SH3BP2: variants seen among roughly 807,000 people sequenced by gnomAD.
SH3BP2 encodes the protein SH3 domain-binding protein 2.
A neutral mutation model predicts 56.2 loss-of-function variants in SH3BP2; 38 were observed. The ratio of observed to expected loss-of-function variants is 0.68; its 90% CI spans 0.52 to 0.89. The LOEUF (loss-of-function observed/expected upper bound fraction) is 0.89. SH3BP2 is among the 40% of genes least tolerant of loss of function. The pLI is 0.00. For missense variants in SH3BP2, 748 were observed against 762.6 expected (o/e 0.98, Z 0.23); for synonymous variants, 346 against 316.7 (o/e 1.09, Z -0.98).
chr4:2,824,664 G>A lies in SH3BP2; in HGVS notation c.291G>A (p.Lys97=), dbSNP rs770885200. 6.2e-7 allele frequency: 1 copy of A among 1,614,060 alleles called. No homozygotes were observed. The highest frequency in any genetic ancestry group is 8.5e-7 in the Non-Finnish European group (1 of 1,180,006). ...CGTCCAACAACGTTTTCCCCTTCAA[G>A]ATCATCCATATCAGCAAGAAGCACC... is the stretch of plus-strand genomic sequence containing the variant. ...ETTSNNVFPF[K]IIHISKKHRT... Residue 97 remains lysine, a synonymous_variant, in exon 4 of 13, where the codon AAG becomes AAA. Transcript: ENST00000503393.
At chr4:2,809,845 C>T in intron 1 of SH3BP2, 1 of 984,690 alleles carries the variant, frequency 1.0e-6, no homozygotes, top group Non-Finnish European at 1.2e-6. Flanking sequence ...TGCCCTGTGT[C>T]TGGCATGGTG....
intron 3 of SH3BP2, 125 bp from the exon 4 acceptor site, chr4:2,824,488 A>G: frequency 1.5e-6 from 1 of 664,556 alleles, no homozygotes; most frequent in South Asian, 1.5e-5. Context: ...GCCAGGGCCC[A>G]CCCGATCTGC....
rs1416584140 is a variant in SH3BP2, at chr4:2,829,931, G to A, written c.1025G>A (p.Arg342Gln). 16 of 1,613,232 alleles carry A rather than the reference G, an allele frequency of 9.9e-6. No individual in the cohort carries two copies. The highest frequency in any genetic ancestry group is 2.2e-5 in the East Asian group (1 of 44,884). Reference protein sequence around the residue: ...DKLKSFHLSPRGPPTSEPPPV... With the variant: ...DKLKSFHLSPQGPPTSEPPPV... ...CTCAAGTCCTTCCACCTGTCCCCCC[G>A]AGGACCACCCACATCTGAGCCCCCA... Residue 342 changes from arginine to glutamine, a missense_variant, in exon 8 of 13, where the codon CGA (arginine) becomes CAA (glutamine). By Grantham distance (43) the Arg-to-Gln change is conservative. This residue lies in a region of SH3BP2 where 635 missense variants were observed against 615.0 expected (regional missense o/e 1.03). Coordinates refer to ENST00000503393, the MANE Select transcript of SH3BP2 (RefSeq NM_001122681.2). This position sits in a 1 kb window ranked among gnomAD's most constrained non-coding sequence, Gnocchi z 4.9.
chr4:2,810,707 C>A lies in SH3BP2; in HGVS notation c.-4-9907C>A, dbSNP rs1388265369. ...CAGCAAACTTCCTCCTCTATCAAAG[C>A]TGGGCCCCTCCTCTGGGAGGCGTTC... On this transcript the variant is annotated intron_variant, in intron 1 of 12. Transcript: ENST00000503393. The surrounding 1 kb of genome is among the most constrained non-coding windows in gnomAD (Gnocchi z 4.2). 6.6e-6 allele frequency among the ~76,000 whole-genome samples: 1 copy of A among 152,122 alleles called. No individual in the cohort carries two copies. Among genetic ancestry groups the A allele is most frequent in the Non-Finnish European group, 1.5e-5 (1 of 68,010 alleles).
intron 1 of SH3BP2, among the ~76,000 whole-genome samples, chr4:2,820,056 G>T (rs1223090379): frequency 6.6e-6 from 1 of 152,208 alleles, no homozygotes; most frequent in African/African-American, 2.4e-5. Context: ...ACAACAGTGT[G>T]CTGTGTGCTG....
At chr4:2,811,118 C>T (rs438524) in intron 1 of SH3BP2, among the ~76,000 whole-genome samples, 76,559 of 152,118 alleles carry the variant, frequency 0.5, 19,418 homozygotes, top group Admixed American at 0.57. Flanking sequence ...AAACGGGCCC[C>T]GAGGGGGACC....
intron 8 of SH3BP2, among the ~76,000 whole-genome samples, 157 bp downstream of exon 8, chr4:2,830,304 G>A (rs140914125): frequency 2.0e-3 from 301 of 152,354 alleles, no homozygotes; most frequent in African/African-American, 6.7e-3. Context: ...CCTCCAGTCC[G>A]CCTTGGTGGA....
intron 2 of SH3BP2, among the ~76,000 whole-genome samples, 188 bp downstream of exon 2, chr4:2,820,941 C>A (rs1332952203): frequency 6.6e-6 from 1 of 152,110 alleles, no homozygotes; most frequent in Non-Finnish European, 1.5e-5. Flanking sequence ...AGGACTGTAG[C>A]AGGGTCCGGG....
intron 1 of SH3BP2, chr4:2,818,916 G>C: frequency 1.0e-6 from 1 of 984,770 alleles, no homozygotes; most frequent in Non-Finnish European, 1.2e-6. Flanking sequence ...AAAGCAGAGA[G>C]TATTTTTCTT....
rs1723052810 is a variant in SH3BP2, at chr4:2,796,088, G to C, written c.-5+2950G>C. 2.0e-5 allele frequency among the ~76,000 whole-genome samples: 3 copies of C among 152,178 alleles called. 1 individual carries two copies. The South Asian group carries it at 6.2e-4, about 32-fold the overall frequency. ...GCCAAGAGCAAGGGACTGGCCCTCA[G>C]CCACGGGCCAGGAGACCTGAGCCTT... On this transcript the variant is annotated intron_variant, in intron 1 of 12. Coordinates refer to ENST00000503393, the MANE Select transcript of SH3BP2 (RefSeq NM_001122681.2).
In SH3BP2 at chr4:2,824,655, C is replaced by G. The variant is rs1278859289; in HGVS notation, c.282C>G (p.Phe94Leu). 7.4e-6 allele frequency: 12 copies of G among 1,614,036 alleles called. No homozygotes were observed. The highest frequency in any genetic ancestry group is 1.0e-5 in the Non-Finnish European group (12 of 1,179,994). Residue 94 changes from phenylalanine to leucine, a missense_variant, in exon 4 of 13, where the codon TTC becomes TTG. By Grantham distance (22) the Phe-to-Leu change is conservative. Around this residue, in one of 3 missense-constraint regions of SH3BP2, gnomAD observed 9 missense variants for 24.4 expected, o/e 0.37. Coordinates refer to ENST00000503393, the MANE Select transcript of SH3BP2 (RefSeq NM_001122681.2). ...AAEETTSNNV[F>L]PFKIIHISKK... ...AGGAGACCACGTCCAACAACGTTTT[C>G]CCCTTCAAGATCATCCATATCAGCA... is the stretch of plus-strand genomic sequence containing the variant.
In SH3BP2 at chr4:2,830,055, C is replaced by A. The variant is rs1470319035; in HGVS notation, c.1149C>A (p.Pro383=). Residue 383 remains proline (P), a synonymous_variant, in exon 8 of 13, where the codon CCC becomes CCA. Transcript: ENST00000503393. The part of the protein sequence containing the change: ...MPGLFVPPVA[P]RPPALKLPVP... The stretch of plus-strand genomic sequence containing the variant: ...GACTCTTTGTGCCCCCCGTGGCTCC[C>A]CGGCCTCCTGCGCTGAAGCTGCCAG... 6.2e-7 allele frequency: 1 copy of A among 1,611,972 alleles called. No homozygotes were observed.
rs1364139187 is a variant in SH3BP2, at chr4:2,833,768, CCACGTG to C, written c.1622_1627del (p.His541_Val542del). On this transcript the variant is annotated inframe_deletion, in exon 13 of 13. Coordinates refer to ENST00000503393, the MANE Select transcript of SH3BP2 (RefSeq NM_001122681.2). ...GCAGCATGGTGGAGCACTACCACAC[CCACGTG>C]CTGCCCAGCCACCAGAGCCTGCTGC... is the stretch of plus-strand genomic sequence containing the variant. The C allele has an allele frequency of 1.9e-6, 3 of 1,600,760 alleles. No individual in the cohort carries two copies. The highest frequency in any genetic ancestry group is 2.6e-6 in the Non-Finnish European group (3 of 1,174,064).
chr4:2,825,358 T>A, intron 5 of SH3BP2, 162 bp downstream of exon 5: 1 of 686,980 alleles, frequency 1.5e-6, no homozygotes, highest in Non-Finnish European at 2.7e-6. Context: ...TGTCTACAGA[T>A]AAACACAGAT....
intron 1 of SH3BP2, chr4:2,812,337 C>T (rs542045015): frequency 1.4e-5 from 21 of 1,549,862 alleles, no homozygotes; most frequent in African/African-American, 8.2e-5. Context: ...GGCAGCCAGG[C>T]GCGTCAGGCC....
At position 2,833,834 on chromosome 4, in the gene SH3BP2, A is replaced by G. The variant is rs190648042; in HGVS notation, c.1686A>G (p.Ter562TrpextTer30). ...CCTACGGCTACACTGGGCCTAGGTG[A>G]TGGCAGTCCATGTGGCTGCCAGGCC... ...RHPYGYTGPR[*>W] Residue 562 changes from the stop codon to tryptophan (W), a stop_lost, in exon 13 of 13, where the codon TGA (stop) becomes TGG (tryptophan). Transcript: ENST00000503393. The G allele has an allele frequency of 8.1e-4, 1,270 of 1,563,928 alleles. 2 individuals carry two copies. Among genetic ancestry groups the G allele is most frequent in the Non-Finnish European group, 9.1e-4 (1,052 of 1,155,404 alleles).
Position 2,825,266 on chromosome 4 carries a change from G to A in SH3BP2, c.428+70G>A, listed in dbSNP as rs114184370. The A allele has an allele frequency of 7.7e-4, 975 of 1,266,472 alleles. 2 individuals carry two copies. The African/African-American group carries it at 0.012, about 15-fold the overall frequency. The allele number at this position is 1,266,472 out of a possible 1,614,324, so 78.5% of individuals were successfully genotyped here. ...GCGCCTGGGCCTGACCCGGGTGTCC[G>A]CCTCCCAGCCCCGGGCTTGGCATAG... On this transcript the variant is annotated intron_variant, in intron 5 of 12. Transcript: ENST00000503393.
chr4:2,832,260 G>T (rs758804567), intron 10 of SH3BP2, 71 bp from the exon 11 acceptor site: 1 of 1,298,590 alleles, frequency 7.7e-7, no homozygotes, highest in Middle Eastern at 1.8e-4. Context: ...AGGCTTGGGA[G>T]CGGGGCGGGA....
At chr4:2,805,481 T>C (rs973562271) in intron 1 of SH3BP2, among the ~76,000 whole-genome samples, 18 of 149,936 alleles carry the variant, frequency 1.2e-4, no homozygotes, top group African/African-American at 4.2e-4. Context: ...CCACGGAGAG[T>C]AGGGGTTCCA....
Sources: gnomAD v4.1 joint callset for allele counts (sites outside exome capture counted in the v4.1 genomes callset) on GRCh38, gnomAD v4.1.1 for gene constraint, gnomAD v4.1.1 regional missense constraint, Gnocchi (gnomAD v3.1) non-coding constraint, MANE v1.5 for transcripts, NCBI Gene and HGNC (gene_info 2026-07-23, HGNC 2026-07-21) for gene names.